LRP5: variants seen among roughly 807,000 people sequenced by gnomAD.
The protein encoded by LRP5 is low-density lipoprotein receptor-related protein 5.
Under a neutral mutation model 154.1 loss-of-function variants are expected in LRP5, and 62 were observed. The ratio of observed to expected loss-of-function variants is 0.40; its 90% CI spans 0.33 to 0.50. The LOEUF is 0.50. Ranked by LOEUF, LRP5 falls within the 20% of genes least tolerant of loss-of-function variation. The pLI is 0.55. For synonymous variants in LRP5, 966 were observed against 1,011.5 expected (o/e 0.96, Z 0.85); for missense variants, 1,915 against 2,336.7 (o/e 0.82, Z 3.72).
At chr11:68,310,953 A>G (rs1271700299), upstream of LRP5, among the ~76,000 whole-genome samples, 8 of 151,850 alleles carry the variant, frequency 5.3e-5, no homozygotes, top group Non-Finnish European at 7.4e-5. Flanking sequence ...CAGGTGCCGA[A>G]GGCTTTTGCT....
At chr11:68,378,470 G>A (rs76649950) in intron 5 of LRP5, among the ~76,000 whole-genome samples, 3,164 of 151,896 alleles carry the variant, frequency 0.021, 114 homozygotes, top group African/African-American at 0.073. Context: ...TAGGTGGCTC[G>A]TTCCCCCACG....
chr11:68,375,633 G>C (rs1299964928), intron 5 of LRP5, among the ~76,000 whole-genome samples: 7 of 152,218 alleles, frequency 4.6e-5, no homozygotes, highest in Non-Finnish European at 8.8e-5. Flanking sequence ...TGTCCCACGG[G>C]ACCAACATCG....
At chr11:68,407,230 G>A (rs575550362) in intron 9 of LRP5, among the ~76,000 whole-genome samples, 5 of 150,586 alleles carry the variant, frequency 3.3e-5, no homozygotes, top group East Asian at 2.0e-4. Flanking sequence ...GTACCGTAGC[G>A]TGAGCTCAGC....
At chr11:68,344,772 T>G (rs2098611354) in intron 1 of LRP5, among the ~76,000 whole-genome samples, 1 of 152,052 alleles carries the variant, frequency 6.6e-6, no homozygotes, top group African/African-American at 2.4e-5. Context: ...GTATTTGTCT[T>G]TTTATATCTG....
At chr11:68,377,578 C>T (rs2098638065) in intron 5 of LRP5, among the ~76,000 whole-genome samples, 1 of 152,134 alleles carries the variant, frequency 6.6e-6, no homozygotes, top group African/African-American at 2.4e-5. Context: ...CTGGGGGCAG[C>T]GGAGAAACTT....
intron 5 of LRP5, among the ~76,000 whole-genome samples, chr11:68,378,338 G>T (rs1383772280): frequency 1.3e-5 from 2 of 152,140 alleles, no homozygotes; most frequent in Non-Finnish European, 2.9e-5. Context: ...TCCTGGGGCT[G>T]CAGGTGGCTT....
chr11:68,413,559 CCAAA>C lies in LRP5; in HGVS notation c.2504-127_2504-124del, dbSNP rs1041476179. The stretch of plus-strand genomic sequence containing the variant: ...GGATCTTGCTGGTTTTCCAAGGTGG[CCAAA>C]CACTTTAAGGCATTCATGTGGTCGC... On this transcript the variant is annotated intron_variant, in intron 11 of 22. Coordinates refer to ENST00000294304, the MANE Select transcript of LRP5 (RefSeq NM_002335.4). This position sits in a 1 kb window ranked among gnomAD's most constrained non-coding sequence, Gnocchi z 5.1. 7.4e-6 allele frequency: 6 copies of C among 808,372 alleles called. No homozygotes were observed. Among genetic ancestry groups the C allele is most frequent in the Non-Finnish European group, 1.3e-5 (6 of 476,730 alleles). 50.1% of individuals were successfully genotyped at this position (808,372 alleles called of 1,614,324 possible).
chr11:68,433,190 G>A (rs1591321534), intron 17 of LRP5, among the ~76,000 whole-genome samples: 1 of 152,218 alleles, frequency 6.6e-6, no homozygotes, highest in Non-Finnish European at 1.5e-5. Flanking sequence ...GGCGCAGTGG[G>A]CACTCAGGCG....
chr11:68,432,932 A>C (rs932579668), intron 17 of LRP5, among the ~76,000 whole-genome samples: 5 of 151,920 alleles, frequency 3.3e-5, no homozygotes, highest in Non-Finnish European at 5.9e-5. Flanking sequence ...AGTGGCCTCC[A>C]CCCTCCGATG....
chr11:68,323,265 T>C (rs608483), intron 1 of LRP5, among the ~76,000 whole-genome samples: 147,109 of 151,922 alleles, frequency 0.97, 71,397 homozygotes, highest in East Asian at 1. Flanking sequence ...CCCGCCACCA[T>C]GCCTGGGTAA....
the LRP5 span, among the ~76,000 whole-genome samples, chr11:68,304,857 T>C: frequency 1.3e-5 from 2 of 152,262 alleles, no homozygotes; most frequent in Non-Finnish European, 2.9e-5. Flanking sequence ...GTTTACCTAA[T>C]GCCTATGCCC....
chr11:68,305,172 G>A, the LRP5 span, among the ~76,000 whole-genome samples: 1 of 152,092 alleles, frequency 6.6e-6, no homozygotes, highest in Non-Finnish European at 1.5e-5. Context: ...CATGGGGGCA[G>A]ACCCCTCGTG....
chr11:68,333,304 A>G (rs1434782861), intron 1 of LRP5, among the ~76,000 whole-genome samples: 1 of 152,226 alleles, frequency 6.6e-6, no homozygotes, highest in African/African-American at 2.4e-5. Flanking sequence ...AAGCTAAGGT[A>G]TGGTTTTGCC....
At chr11:68,309,712 T>C (rs796777600), upstream of LRP5, among the ~76,000 whole-genome samples, 1 of 152,186 alleles carries the variant, frequency 6.6e-6, no homozygotes. Flanking sequence ...TTTGGGCCAG[T>C]TGTAATGTGT....
At chr11:68,430,089 A>G (rs528144729) in intron 17 of LRP5, among the ~76,000 whole-genome samples, 3 of 152,190 alleles carry the variant, frequency 2.0e-5, no homozygotes, top group Non-Finnish European at 4.4e-5. Context: ...CTGAGAGCTT[A>G]TTTTATATGA....
intron 6 of LRP5, among the ~76,000 whole-genome samples, chr11:68,387,723 A>T (rs546447948): frequency 6.6e-6 from 1 of 152,142 alleles, no homozygotes; most frequent in Non-Finnish European, 1.5e-5. Context: ...GAATGGGAAA[A>T]CCCTGATGGA....
chr11:68,303,335 T>C, the LRP5 span, among the ~76,000 whole-genome samples: 4 of 152,248 alleles, frequency 2.6e-5, no homozygotes, highest in South Asian at 6.2e-4. Context: ...GAGTCTCAGA[T>C]GGAAATGAGG....
chr11:68,385,080 C>T (rs1046506976), intron 5 of LRP5, among the ~76,000 whole-genome samples: 2 of 152,210 alleles, frequency 1.3e-5, no homozygotes, highest in Admixed American at 6.5e-5. Context: ...CTTGGGGATT[C>T]AACACGTGCA....
chr11:68,365,630 A>G lies in LRP5; in HGVS notation c.943A>G (p.Ser315Gly), dbSNP rs1394646742. 9 of 1,612,754 alleles carry G rather than the reference A, an allele frequency of 5.6e-6. No individual in the cohort carries two copies. In the African/African-American group the frequency reaches 1.2e-4, roughly 22 times the overall value. ...GCSHLCLLSPSEPFYTCACPT... is the reference protein window; with the variant it reads ...GCSHLCLLSPGEPFYTCACPT... ...CTCCCACCTGTGCCTGCTGTCCCCA[A>G]GCGAGCCTTTCTACACATGCGCCTG... The change falls in exon 5 of 23, where the codon AGC becomes GGC. Residue 315 changes from serine (S) to glycine (G), a missense_variant. Coordinates refer to ENST00000294304, the MANE Select transcript of LRP5 (RefSeq NM_002335.4).
Sources: gnomAD v4.1 joint callset for allele counts (sites outside exome capture counted in the v4.1 genomes callset) on GRCh38, gnomAD v4.1.1 for gene constraint, Gnocchi (gnomAD v3.1) non-coding constraint, MANE v1.5 for transcripts, NCBI Gene and HGNC (gene_info 2026-07-23, HGNC 2026-07-21) for gene names.